CLVS1: variants seen among roughly 807,000 people sequenced by gnomAD.
CLVS1 encodes clavesin 1, also known as clavesin-1.
Under a neutral mutation model 33.1 loss-of-function variants are expected in CLVS1, and 10 were observed. That is an observed-to-expected ratio of 0.30 (90% CI 0.19 to 0.51). The LOEUF (loss-of-function observed/expected upper bound fraction) is 0.51, where lower values mean the gene tolerates loss of function less well. CLVS1 is among the 20% of genes least tolerant of loss of function. The pLI, the probability that CLVS1 is intolerant of heterozygous loss-of-function variation, is 0.97. For missense variants in CLVS1, 343 were observed against 433.4 expected (o/e 0.79, Z 1.85); for synonymous variants, 163 against 166.1 (o/e 0.98, Z 0.14).
chr8:61,027,903 A>G, the CLVS1 span, among the ~76,000 whole-genome samples: 2 of 152,248 alleles, frequency 1.3e-5, no homozygotes, highest in Non-Finnish European at 2.9e-5. Flanking sequence ...ACTTAGAAAC[A>G]TGATTTTGTT....
chr8:61,269,597 T>G (rs1172663616), intron 2 of CLVS1, among the ~76,000 whole-genome samples: 2 of 151,396 alleles, frequency 1.3e-5, no homozygotes, highest in Admixed American at 6.6e-5. Context: ...AATCTGTAAA[T>G]TACCTTGGGC....
At chr8:61,219,495 TG>T (rs1808164550) in intron 2 of CLVS1, among the ~76,000 whole-genome samples, 2 of 152,362 alleles carry the variant, frequency 1.3e-5, no homozygotes, top group East Asian at 1.9e-4. Flanking sequence ...CTTTTACAGC[TG>T]CATAGTAGTC....
intron 2 of CLVS1, among the ~76,000 whole-genome samples, chr8:61,183,656 C>T (rs891369245): frequency 1.1e-4 from 16 of 152,116 alleles, no homozygotes; most frequent in African/African-American, 3.6e-4. Flanking sequence ...AAGGAAGAAG[C>T]CTCAGGCAGA....
chr8:61,355,189 C>T (rs1047302013), intron 2 of CLVS1, among the ~76,000 whole-genome samples: 1 of 152,108 alleles, frequency 6.6e-6, no homozygotes, highest in Admixed American at 6.6e-5. Context: ...CTGAATTCAA[C>T]TCTATTGGCA....
At chr8:61,407,910 A>T (rs1269500753) in intron 3 of CLVS1, among the ~76,000 whole-genome samples, 1 of 152,214 alleles carries the variant, frequency 6.6e-6, no homozygotes, top group African/African-American at 2.4e-5. Context: ...GACGACTTAA[A>T]TGTACTTATT....
At chr8:61,357,249 C>T (rs1343672125) in intron 2 of CLVS1, among the ~76,000 whole-genome samples, 4 of 152,092 alleles carry the variant, frequency 2.6e-5, no homozygotes, top group African/African-American at 9.7e-5. Context: ...AAATTTAAGA[C>T]ATTCTACAGG....
the CLVS1 span, among the ~76,000 whole-genome samples, chr8:61,021,071 G>T: frequency 6.6e-6 from 1 of 152,064 alleles, no homozygotes; most frequent in African/African-American, 2.4e-5. Context: ...CTACACACTT[G>T]CTTCCCCCCT....
intron 1 of CLVS1, among the ~76,000 whole-genome samples, chr8:61,116,110 T>C (rs1805719276): frequency 4.0e-5 from 6 of 151,678 alleles, no homozygotes; most frequent in South Asian, 2.1e-4. Flanking sequence ...TTGATTTGCA[T>C]TTCTCTGATG....
At chr8:61,222,799 G>T (rs1396340842) in intron 2 of CLVS1, among the ~76,000 whole-genome samples, 19 of 152,042 alleles carry the variant, frequency 1.2e-4, no homozygotes, top group Admixed American at 1.2e-3. Context: ...CCACTATTAT[G>T]GTGGGGGAGT....
the CLVS1 span, among the ~76,000 whole-genome samples, chr8:60,970,248 C>T: frequency 6.6e-6 from 1 of 152,192 alleles, no homozygotes; most frequent in African/African-American, 2.4e-5. Flanking sequence ...GATTCACATC[C>T]GCCATTCTGT....
chr8:61,031,394 C>T, the CLVS1 span, among the ~76,000 whole-genome samples: 4 of 152,180 alleles, frequency 2.6e-5, no homozygotes, highest in Non-Finnish European at 5.9e-5. Context: ...CCGTTCCCCA[C>T]CCAAGAGCTA....
chr8:61,288,987 ATTTG>A (rs1809880415), intron 1 of CLVS1, among the ~76,000 whole-genome samples: 1 of 152,216 alleles, frequency 6.6e-6, no homozygotes, highest in African/African-American at 2.4e-5. Flanking sequence ...CGAATGAACT[ATTTG>A]TTCCAATGTT....
chr8:61,228,994 T>G (rs543707760), intron 2 of CLVS1, among the ~76,000 whole-genome samples: 2 of 152,306 alleles, frequency 1.3e-5, no homozygotes, highest in South Asian at 4.1e-4. Flanking sequence ...CTATAGTAAT[T>G]TACATTTCCA....
At chr8:60,987,629 T>C in the CLVS1 span, among the ~76,000 whole-genome samples, 2 of 152,286 alleles carry the variant, frequency 1.3e-5, no homozygotes, top group African/African-American at 4.8e-5. Context: ...ATGAAAAAAA[T>C]GTATCCTTAC....
chr8:61,311,114 A>G (rs373044148), intron 2 of CLVS1, among the ~76,000 whole-genome samples: 18 of 152,170 alleles, frequency 1.2e-4, no homozygotes, highest in African/African-American at 3.4e-4. Flanking sequence ...AATGCTCAAG[A>G]TATGATTTCT....
chr8:61,424,910 T>C (rs568085444), intron 3 of CLVS1, among the ~76,000 whole-genome samples: 65 of 152,320 alleles, frequency 4.3e-4, no homozygotes, highest in African/African-American at 1.5e-3. Flanking sequence ...TTGCTATGAG[T>C]TATTTATCCA....
At chr8:61,288,687 G>A (rs1340161739) in intron 1 of CLVS1, among the ~76,000 whole-genome samples, 1 of 152,154 alleles carries the variant, frequency 6.6e-6, no homozygotes, top group East Asian at 1.9e-4. Flanking sequence ...AAATTAACAT[G>A]GCCTAGGGCA....
At chr8:61,340,600 G>A (rs953485491) in intron 2 of CLVS1, among the ~76,000 whole-genome samples, 1 of 152,158 alleles carries the variant, frequency 6.6e-6, no homozygotes, top group African/African-American at 2.4e-5. Flanking sequence ...ATGGACGCAA[G>A]TTGATTCCAT....
At chr8:61,153,745 A>G (rs12545580) in intron 2 of CLVS1, among the ~76,000 whole-genome samples, 10,410 of 152,030 alleles carry the variant, frequency 0.068, 506 homozygotes, top group East Asian at 0.13. Context: ...CCCTGCTTAC[A>G]GTGTTCGCTG....
Sources: gnomAD v4.1 joint callset for allele counts (sites outside exome capture counted in the v4.1 genomes callset) on GRCh38, gnomAD v4.1.1 for gene constraint, MANE v1.5 for transcripts, NCBI Gene and HGNC (gene_info 2026-07-23, HGNC 2026-07-21) for gene names.